PCSK5: variants seen among roughly 807,000 people sequenced by gnomAD.
The protein encoded by PCSK5 is prohormone convertase 5.
A neutral mutation model predicts 233.2 loss-of-function variants in PCSK5; 129 were observed. The observed-to-expected ratio is 0.55, with a 90% CI of 0.48 to 0.64. The LOEUF is 0.64. Among genes scored for constraint, PCSK5 ranks in the 30% least tolerant of loss-of-function variants. The pLI is 0.00. For synonymous variants in PCSK5, 825 were observed against 879.2 expected (o/e 0.94, Z 1.09); for missense variants, 2,076 against 2,430.1 (o/e 0.85, Z 3.06).
intron 1 of PCSK5, among the ~76,000 whole-genome samples, chr9:75,920,221 C>T (rs1823189376): frequency 6.6e-6 from 1 of 152,096 alleles, no homozygotes; most frequent in Non-Finnish European, 1.5e-5. Context: ...GCTTCTCCTC[C>T]TAATAGGGTT....
At chr9:76,258,982 T>C (rs565782660) in intron 24 of PCSK5, among the ~76,000 whole-genome samples, 2 of 152,290 alleles carry the variant, frequency 1.3e-5, no homozygotes, top group Admixed American at 1.3e-4. Context: ...ATGGGCCACT[T>C]GGGACCCTAG....
chr9:76,324,922 T>C (rs959790412), intron 32 of PCSK5, among the ~76,000 whole-genome samples: 2 of 151,964 alleles, frequency 1.3e-5, no homozygotes, highest in Non-Finnish European at 2.9e-5. Context: ...GAGAGTGACC[T>C]TCCACTGAGA....
intron 35 of PCSK5, among the ~76,000 whole-genome samples, chr9:76,344,922 G>A (rs1202837245): frequency 4.6e-5 from 7 of 152,098 alleles, no homozygotes; most frequent in African/African-American, 1.4e-4. Context: ...AGATGATTGC[G>A]GGGATTAGAT....
In PCSK5 at chr9:75,920,738, G is replaced by A. The variant is rs1823220047; in HGVS notation, c.193-11641G>A. 2.0e-5 allele frequency among the ~76,000 whole-genome samples: 3 copies of A among 152,138 alleles called. No homozygotes were observed. In the South Asian group the frequency reaches 6.2e-4, roughly 32 times the overall value. On this transcript the variant is annotated intron_variant, in intron 1 of 37. Transcript: ENST00000674117. The stretch of plus-strand genomic sequence containing the variant: ...CAAGAATCACTTGAACCTGGAAAGC[G>A]GAGGTTGCAGAGAGCCGAGATTGCA...
At chr9:76,124,666 A>G (rs1832771886) in intron 9 of PCSK5, among the ~76,000 whole-genome samples, 1 of 149,360 alleles carries the variant, frequency 6.7e-6, no homozygotes, top group Non-Finnish European at 1.5e-5. Flanking sequence ...GAATCACTTG[A>G]ACCCGGGAGG....
intron 27 of PCSK5, among the ~76,000 whole-genome samples, chr9:76,301,578 C>T (rs1209374550): frequency 6.6e-6 from 1 of 152,244 alleles, no homozygotes; most frequent in Non-Finnish European, 1.5e-5. Context: ...CACGGTGGCT[C>T]ATGCCTGTAA....
chr9:76,084,956 A>G (rs1265530918), intron 7 of PCSK5, among the ~76,000 whole-genome samples: 2 of 152,230 alleles, frequency 1.3e-5, no homozygotes, highest in African/African-American at 4.8e-5. Context: ...TTAGCTGTGA[A>G]CATTATTATA....
intron 5 of PCSK5, among the ~76,000 whole-genome samples, chr9:76,049,107 AAAAT>A (rs1258859652): frequency 6.6e-6 from 1 of 152,112 alleles, no homozygotes; most frequent in Non-Finnish European, 1.5e-5. Context: ...GTTAAAAAAA[AAAAT>A]AAAGAAGAAA....
Position 75,986,119 on chromosome 9 carries a change from T to C in PCSK5, c.298-13T>C. ...ATGGAACGTGAATACTCACCAAATGTCCTTCTTGACAGGTGGAATGGATCC... is the reference window on the plus strand; with the variant it reads ...ATGGAACGTGAATACTCACCAAATGCCCTTCTTGACAGGTGGAATGGATCC... On this transcript the variant is annotated splice_polypyrimidine_tract_variant and intron_variant, in intron 2 of 37. Transcript: ENST00000674117. 1 of 1,496,066 alleles carries C rather than the reference T, an allele frequency of 6.7e-7. No individual in the cohort carries two copies. Among genetic ancestry groups the C allele is most frequent in the East Asian group, 2.3e-5 (1 of 44,316 alleles). The allele number at this position is 1,496,066 out of a possible 1,614,324, so 92.7% of individuals were successfully genotyped here.
rs564973282 is a variant in PCSK5 at position 76,132,391 on chromosome 9, C to A, written c.1209-1718C>A. ...AAAACAAGAATAATTCTGTTTTCAT[C>A]GTTCTCATATTTTTAAAGTTTATGT... On this transcript the variant is annotated intron_variant, in intron 9 of 37. Transcript: ENST00000674117. Among the ~76,000 whole-genome samples the A allele has an allele frequency of 2.6e-5, 4 of 152,148 alleles. No individual in the cohort carries two copies. The South Asian group carries it at 8.3e-4, about 32-fold the overall frequency.
intron 9 of PCSK5, among the ~76,000 whole-genome samples, chr9:76,116,633 A>G (rs1373110110): frequency 6.6e-6 from 1 of 152,148 alleles, no homozygotes; most frequent in Admixed American, 6.6e-5. Context: ...CCTTCAATGA[A>G]TGCTTTATGC....
chr9:75,904,071 A>G (rs1045954957), intron 1 of PCSK5, among the ~76,000 whole-genome samples: 1 of 152,124 alleles, frequency 6.6e-6, no homozygotes, highest in African/African-American at 2.4e-5. Flanking sequence ...GCGTCTTTCA[A>G]TTTGGTGCTC....
intron 10 of PCSK5, among the ~76,000 whole-genome samples, chr9:76,150,522 A>C (rs1316694353): frequency 6.6e-6 from 1 of 152,112 alleles, no homozygotes; most frequent in Non-Finnish European, 1.5e-5. Flanking sequence ...AATCCCAGCT[A>C]CTGGGGAGGC....
intron 3 of PCSK5, among the ~76,000 whole-genome samples, chr9:75,987,710 G>C (rs1826580196): frequency 1.3e-5 from 2 of 152,162 alleles, no homozygotes; most frequent in Non-Finnish European, 2.9e-5. Context: ...AGCATCCTTA[G>C]CCCCAGTAGC....
rs371919701 is a variant in PCSK5, at chr9:76,071,719, G to A, written c.722-7G>A. ...GTAATGAGCTAGTTCTCCTTTCTGT[G>A]TTGAAGGAGTGCGAATGCTGGACGG... On this transcript the variant is annotated splice_polypyrimidine_tract_variant and splice_region_variant and intron_variant, in intron 6 of 37. Coordinates refer to ENST00000674117, the MANE Select transcript of PCSK5 (RefSeq NM_001372043.1). 8 of 1,609,654 alleles carry A rather than the reference G, an allele frequency of 5.0e-6. No individual in the cohort carries two copies. The highest frequency in any genetic ancestry group is 2.2e-5 in the East Asian group (1 of 44,830).
At chr9:76,077,530 CTA>C (rs1830683436) in intron 7 of PCSK5, among the ~76,000 whole-genome samples, 1 of 152,084 alleles carries the variant, frequency 6.6e-6, no homozygotes, top group African/African-American at 2.4e-5. Flanking sequence ...TACCCAGCAG[CTA>C]GTTTTTCAAC....
intron 1 of PCSK5, among the ~76,000 whole-genome samples, chr9:75,910,266 C>A (rs80204397): frequency 6.6e-6 from 1 of 152,038 alleles, no homozygotes; most frequent in African/African-American, 2.4e-5. Context: ...ATAAGAACCC[C>A]GTGATGTAAT....
chr9:76,211,162 G>A (rs1825315499), intron 20 of PCSK5, among the ~76,000 whole-genome samples: 1 of 152,226 alleles, frequency 6.6e-6, no homozygotes, highest in Admixed American at 6.5e-5. Flanking sequence ...TTATGGAAGA[G>A]ATTTAAGGGC....
At chr9:75,926,897 C>T (rs927991195) in intron 1 of PCSK5, among the ~76,000 whole-genome samples, 3 of 152,002 alleles carry the variant, frequency 2.0e-5, no homozygotes, top group African/African-American at 7.2e-5. Flanking sequence ...TGCATTGTTT[C>T]CAGTTTGGGG....
Sources: allele counts gnomAD v4.1 joint callset (sites outside exome capture counted in the v4.1 genomes callset), GRCh38; gene constraint gnomAD v4.1.1; transcripts MANE v1.5; gene names NCBI Gene and HGNC (gene_info 2026-07-23, HGNC 2026-07-21).